Variants in SNX18 observed in about 807,000 individuals in gnomAD.
SNX18 encodes the protein sorting nexin-18.
SNX18 carries 35 observed loss-of-function variants against 48.7 expected under a neutral mutation model. The ratio of observed to expected loss-of-function variants is 0.72; its 90% CI spans 0.55 to 0.95. The LOEUF (loss-of-function observed/expected upper bound fraction) is 0.95, where lower values mean the gene tolerates loss of function less well. Among genes scored for constraint, SNX18 ranks in the 40% least tolerant of loss-of-function variants. The pLI, the probability that SNX18 is intolerant of heterozygous loss-of-function variation, is 0.00. For missense variants in SNX18, 824 were observed against 871.0 expected (o/e 0.95, Z 0.68); for synonymous variants, 492 against 384.7 (o/e 1.28, Z -3.26).
the SNX18 span, among the ~76,000 whole-genome samples, chr5:54,641,317 T>G: frequency 6.6e-6 from 1 of 152,238 alleles, no homozygotes; most frequent in African/African-American, 2.4e-5. Flanking sequence ...TATATGTGTA[T>G]GTGTGTGATA....
intron 1 of SNX18, among the ~76,000 whole-genome samples, chr5:54,527,503 C>T (rs1252941896): frequency 5.3e-5 from 8 of 152,260 alleles, no homozygotes; most frequent in South Asian, 2.1e-4. Flanking sequence ...GCCTGGCCTA[C>T]AATAAGAATT....
the SNX18 span, among the ~76,000 whole-genome samples, chr5:54,623,701 TC>T: frequency 1.3e-5 from 2 of 152,144 alleles, no homozygotes; most frequent in Non-Finnish European, 2.9e-5. Flanking sequence ...GAGCTAGACT[TC>T]CCCAAAATGC....
the SNX18 span, among the ~76,000 whole-genome samples, chr5:54,622,398 T>C: frequency 6.6e-6 from 1 of 151,734 alleles, no homozygotes; most frequent in East Asian, 1.9e-4. Context: ...ACTTGGGAGA[T>C]TGAGGTGGGA....
the SNX18 span, among the ~76,000 whole-genome samples, chr5:54,612,767 T>C: frequency 2.0e-5 from 3 of 152,098 alleles, no homozygotes; most frequent in East Asian, 5.8e-4. Context: ...TGGTCTCTAT[T>C]ACAGTCTTCG....
chr5:54,624,028 A>G, the SNX18 span, among the ~76,000 whole-genome samples: 1 of 152,180 alleles, frequency 6.6e-6, no homozygotes, highest in Non-Finnish European at 1.5e-5. Context: ...TAACAATCTC[A>G]AGGTTTATGG....
At chr5:54,562,181 CTGTT>C in the SNX18 span, among the ~76,000 whole-genome samples, 1 of 152,180 alleles carries the variant, frequency 6.6e-6, no homozygotes, top group Non-Finnish European at 1.5e-5. Flanking sequence ...AAATCACTCC[CTGTT>C]ACTGATGAAG....
Position 54,518,142 on chromosome 5 carries a change from C to T in SNX18, c.190C>T (p.Pro64Ser). The change falls in exon 1 of 2, where the codon CCT (proline) becomes TCT (serine). Residue 64 changes from proline (P) to serine (S), a missense_variant. Transcript: ENST00000381410. ...SYVQVIRAPE[P>S]GPAGDGGPGA... ...TGTGCAGGTGATCCGCGCCCCCGAG[C>T]CTGGCCCGGCGGGAGACGGCGGCCC... is the stretch of plus-strand genomic sequence containing the variant. 7.1e-7 allele frequency: 1 copy of T among 1,411,172 alleles called. No homozygotes were observed. Among genetic ancestry groups the T allele is most frequent in the Non-Finnish European group, 9.2e-7 (1 of 1,088,472 alleles). The allele number at this position is 1,411,172 out of a possible 1,614,324, so 87.4% of individuals were successfully genotyped here.
chr5:54,643,954 T>C, the SNX18 span: 3 of 152,246 alleles, frequency 2.0e-5, no homozygotes, highest in African/African-American at 7.2e-5. Flanking sequence ...GCTGGAATTG[T>C]TTCTTCACTT....
chr5:54,524,814 G>A (rs530251269), intron 1 of SNX18, among the ~76,000 whole-genome samples: 1 of 152,334 alleles, frequency 6.6e-6, no homozygotes, highest in South Asian at 2.1e-4. Flanking sequence ...GGGCTGGGTA[G>A]GCCTCTGGTC....
At chr5:54,646,782 T>G in the SNX18 span, among the ~76,000 whole-genome samples, 1 of 152,204 alleles carries the variant, frequency 6.6e-6, no homozygotes, top group Non-Finnish European at 1.5e-5. Context: ...CATAGTTCCC[T>G]CCACCCAGAA....
At chr5:54,530,744 ATTTTTT>A (rs70986692) in intron 1 of SNX18, among the ~76,000 whole-genome samples, 13 of 72,506 alleles carry the variant, frequency 1.8e-4, no homozygotes, top group Admixed American at 8.6e-4. Flanking sequence ...AACCACAGAA[ATTTTTT>A]TTTTTTTTTT....
At chr5:54,619,714 AAC>A in the SNX18 span, among the ~76,000 whole-genome samples, 1 of 152,188 alleles carries the variant, frequency 6.6e-6, no homozygotes, top group Non-Finnish European at 1.5e-5. Flanking sequence ...AGGAAAAACA[AAC>A]ACAGCTCATA....
the SNX18 span, among the ~76,000 whole-genome samples, chr5:54,599,081 C>A: frequency 6.6e-6 from 1 of 152,100 alleles, no homozygotes; most frequent in African/African-American, 2.4e-5. Flanking sequence ...TTCTTATACA[C>A]CAACAACAGG....
chr5:54,641,530 C>T, the SNX18 span, among the ~76,000 whole-genome samples: 2 of 152,082 alleles, frequency 1.3e-5, no homozygotes, highest in African/African-American at 4.8e-5. Flanking sequence ...TTCCTACAAA[C>T]CTAGCCACCC....
At chr5:54,524,371 G>T (rs1172687191) in intron 1 of SNX18, among the ~76,000 whole-genome samples, 1 of 152,170 alleles carries the variant, frequency 6.6e-6, no homozygotes, top group Non-Finnish European at 1.5e-5. Context: ...CCGAAGGGAG[G>T]CAGAGGACCT....
At position 54,519,423 on chromosome 5, in the gene SNX18, C is replaced by G. The variant is rs1761965236; in HGVS notation, c.1471C>G (p.Gln491Glu). 1 of 1,611,766 alleles carries G rather than the reference C, an allele frequency of 6.2e-7. No individual in the cohort carries two copies. Among genetic ancestry groups the G allele is most frequent in the Non-Finnish European group, 8.5e-7 (1 of 1,179,324 alleles). The change falls in exon 1 of 2, where the codon CAG becomes GAG. Residue 491 changes from glutamine (Q) to glutamate (E), a missense_variant. By Grantham distance (29) the Gln-to-Glu change is conservative. This residue lies in a region of SNX18 where 443 missense variants were observed against 503.6 expected (regional missense o/e 0.88). Coordinates refer to ENST00000381410, the MANE Select transcript of SNX18 (RefSeq NM_001102575.2). ...GCAGGCCTTCTCGGTGGGCCTGAAC[C>G]AGGCTATCGCCTTCACCGGAGATGC... ...DQQAFSVGLNQAIAFTGDAYD... is the reference protein window; with the variant it reads ...DQQAFSVGLNEAIAFTGDAYD...
At chr5:54,622,466 C>A in the SNX18 span, among the ~76,000 whole-genome samples, 43 of 151,694 alleles carry the variant, frequency 2.8e-4, no homozygotes, top group African/African-American at 1.0e-3. Context: ...TACTCCACTG[C>A]ACTCCAGCCT....
chr5:54,584,685 T>C, the SNX18 span, among the ~76,000 whole-genome samples: 2 of 152,220 alleles, frequency 1.3e-5, no homozygotes, highest in Admixed American at 1.3e-4. Context: ...GGAATAATTA[T>C]AGATTACATG....
At chr5:54,606,784 TC>T in the SNX18 span, among the ~76,000 whole-genome samples, 2 of 152,170 alleles carry the variant, frequency 1.3e-5, no homozygotes, top group Non-Finnish European at 2.9e-5. Context: ...CTACAATCCA[TC>T]CATCTTTTTC....
Sources: allele counts gnomAD v4.1 joint callset (sites outside exome capture counted in the v4.1 genomes callset), GRCh38; gene constraint gnomAD v4.1.1; regional missense constraint gnomAD v4.1.1; transcripts MANE v1.5; gene names NCBI Gene and HGNC (gene_info 2026-07-23, HGNC 2026-07-21).